MACROD2: variants seen among roughly 807,000 people sequenced by gnomAD.
The protein encoded by MACROD2 is mono-ADP ribosylhydrolase 2, also known as ADP-ribose glycohydrolase MACROD2.
A neutral mutation model predicts 70.4 loss-of-function variants in MACROD2; 36 were observed. The ratio of observed to expected loss-of-function variants is 0.51; its 90% confidence interval spans 0.39 to 0.68. MACROD2 has a LOEUF of 0.68. Among genes scored for constraint, MACROD2 ranks in the 30% least tolerant of loss-of-function variants. The pLI, the probability that MACROD2 is intolerant of heterozygous loss-of-function variation, is 0.00. For synonymous variants in MACROD2, 172 were observed against 178.8 expected (o/e 0.96, Z 0.30); for missense variants, 496 against 538.4 (o/e 0.92, Z 0.78).
intron 5 of MACROD2, among the ~76,000 whole-genome samples, chr20:15,204,867 T>C (rs2145934322): frequency 6.6e-6 from 1 of 152,220 alleles, no homozygotes; most frequent in African/African-American, 2.4e-5. Flanking sequence ...TGTAGAATCT[T>C]CCACGCACCC....
chr20:15,795,827 A>G (rs997173563), intron 8 of MACROD2, among the ~76,000 whole-genome samples: 3 of 152,186 alleles, frequency 2.0e-5, no homozygotes, highest in Admixed American at 6.5e-5. Flanking sequence ...CGTTGGTGGC[A>G]TTCGTTCTAC....
rs546717094 is a variant in MACROD2, at chr20:15,030,872, T to C, written c.419-199068T>C. 3.9e-5 allele frequency among the ~76,000 whole-genome samples: 6 copies of C among 152,274 alleles called. No individual in the cohort carries two copies. In the East Asian group the frequency reaches 1.2e-3, roughly 30 times the overall value. On this transcript the variant is annotated intron_variant, in intron 5 of 17. Coordinates refer to ENST00000684519, the MANE Select transcript of MACROD2 (RefSeq NM_001351661.2). ...CCAGTGTCACAGGATCTCTAGGGTG[T>C]TGCTTTTCCAGCCGGAAACCTCTGA...
intron 3 of MACROD2, among the ~76,000 whole-genome samples, chr20:14,095,893 C>G (rs1400716027): frequency 6.6e-6 from 1 of 152,138 alleles, no homozygotes; most frequent in East Asian, 1.9e-4. Context: ...TTCATTGTAA[C>G]TTTGGAAGGA....
chr20:15,870,990 A>G (rs1568608564), intron 9 of MACROD2, among the ~76,000 whole-genome samples: 1 of 151,948 alleles, frequency 6.6e-6, no homozygotes, highest in Admixed American at 6.6e-5. Context: ...CAGCCTGGCA[A>G]TATGGTGAAA....
chr20:14,015,084 C>T (rs1285895393), intron 2 of MACROD2, among the ~76,000 whole-genome samples: 2 of 151,768 alleles, frequency 1.3e-5, no homozygotes, highest in Admixed American at 6.6e-5. Flanking sequence ...GTGTGAGCCA[C>T]TGTGCCCAGC....
chr20:14,415,374 AT>A (rs1344449907), intron 3 of MACROD2, among the ~76,000 whole-genome samples: 1 of 148,152 alleles, frequency 6.7e-6, no homozygotes, highest in Non-Finnish European at 1.5e-5. Context: ...TCTCCTAAAT[AT>A]TTGCATGTAT....
intron 5 of MACROD2, among the ~76,000 whole-genome samples, chr20:14,864,397 C>G (rs1383206304): frequency 6.6e-6 from 1 of 151,980 alleles, no homozygotes; most frequent in Non-Finnish European, 1.5e-5. Flanking sequence ...CCTATGATAG[C>G]TTTATATGGA....
At chr20:15,718,644 C>T (rs745991511) in intron 8 of MACROD2, among the ~76,000 whole-genome samples, 1 of 152,188 alleles carries the variant, frequency 6.6e-6, no homozygotes, top group Non-Finnish European at 1.5e-5. Context: ...CTTGAACGCC[C>T]AGAGGGAAGA....
chr20:16,030,729 A>G (rs2067141205), intron 15 of MACROD2, among the ~76,000 whole-genome samples: 1 of 152,240 alleles, frequency 6.6e-6, no homozygotes, highest in African/African-American at 2.4e-5. Context: ...CAAATTACTG[A>G]CAAAGAAAAA....
At chr20:15,885,925 A>T in intron 10 of MACROD2, 114 bp downstream of exon 10, 1 of 1,170,072 alleles carries the variant, frequency 8.5e-7, no homozygotes, top group Non-Finnish European at 1.2e-6. Flanking sequence ...ATAGAAATAT[A>T]TGCTCAGTGT....
chr20:15,531,239 T>TGACATATTCTAAATTCAGAGAA, intron 8 of MACROD2, among the ~76,000 whole-genome samples: 1 of 151,776 alleles, frequency 6.6e-6, no homozygotes, highest in Non-Finnish European at 1.5e-5. Flanking sequence ...TCCCATTGTA[T>TGACATATTCTAAATTCAGAGAA]TTTACTTCTC....
At chr20:15,533,860 T>C in intron 8 of MACROD2, among the ~76,000 whole-genome samples, 1 of 152,156 alleles carries the variant, frequency 6.6e-6, no homozygotes, top group Non-Finnish European at 1.5e-5. Flanking sequence ...GCATTTCAAG[T>C]TCATTATTTT....
intron 8 of MACROD2, among the ~76,000 whole-genome samples, chr20:15,856,299 C>T (rs1227095481): frequency 6.6e-6 from 1 of 152,146 alleles, no homozygotes; most frequent in African/African-American, 2.4e-5. Flanking sequence ...ATTAAGCACT[C>T]TATATGAAAA....
At chr20:14,493,798 TGTGCATAGTTACAGAGTA>T (rs1321019721) in intron 4 of MACROD2, 3 of 223,588 alleles carry the variant, frequency 1.3e-5, no homozygotes, top group African/African-American at 6.9e-5. Context: ...AATACATGTG[TGTGCATAGTTACAGAGTA>T]ACTATGTACA....
At chr20:15,766,188 T>G (rs117505925) in intron 8 of MACROD2, among the ~76,000 whole-genome samples, 2,401 of 152,320 alleles carry the variant, frequency 0.016, 42 homozygotes, top group East Asian at 0.068. Context: ...AGAAGCAAAG[T>G]TCTGCTCATC....
In MACROD2 at chr20:14,480,763, GA is replaced by G. The variant is rs564252342; in HGVS notation, c.272-12709del. Reference sequence around the variant, plus strand: ...AATTATAATTTGTCTCCTGTGTACAGAAAAAAAGTGTGTCTTGTATGGTAAA... The same window carrying G: ...AATTATAATTTGTCTCCTGTGTACAGAAAAAAGTGTGTCTTGTATGGTAAA... On this transcript the variant is annotated intron_variant, in intron 3 of 17. Transcript: ENST00000684519. Among the ~76,000 whole-genome samples the G allele has an allele frequency of 9.9e-5, 15 of 152,018 alleles. No individual in the cohort carries two copies. The East Asian group carries it at 2.9e-3, about 29-fold the overall frequency.
At chr20:15,330,235 C>G (rs910596332) in intron 6 of MACROD2, among the ~76,000 whole-genome samples, 2 of 151,996 alleles carry the variant, frequency 1.3e-5, no homozygotes, top group Middle Eastern at 3.2e-3. Flanking sequence ...CCACCATGAA[C>G]CGAGCAATGG....
rs1244102849 is a variant in MACROD2, at chr20:16,050,511, T to C, written c.*635T>C. 6 of 152,232 alleles carry C rather than the reference T, an allele frequency of 3.9e-5. No homozygotes were observed. Among genetic ancestry groups the C allele is most frequent in the Admixed American group, 3.9e-4 (6 of 15,280 alleles). The allele number at this position is 152,232 out of a possible 1,614,324, so 9.4% of individuals were successfully genotyped here. ...TTTTCCAGAGCAGAGTGCAGAGGCA[T>C]AACAGAAGGGTGGGCCCTGGCAGCC... On this transcript the variant is annotated 3_prime_UTR_variant, in exon 18 of 18. Transcript: ENST00000684519.
intron 7 of MACROD2, 75 bp downstream of exon 7, chr20:15,431,510 A>G (rs1392323585): frequency 1.1e-5 from 15 of 1,368,150 alleles, no homozygotes; most frequent in Non-Finnish European, 1.6e-5. Context: ...GTGAAAAAAT[A>G]AGAGGTTCTC....
Sources: gnomAD v4.1 joint callset for allele counts (sites outside exome capture counted in the v4.1 genomes callset) on GRCh38, gnomAD v4.1.1 for gene constraint, MANE v1.5 for transcripts, NCBI Gene and HGNC (gene_info 2026-07-23, HGNC 2026-07-21) for gene names.